ASIC2: variants seen among roughly 807,000 people sequenced by gnomAD.
ASIC2 encodes acid sensing ion channel subunit 2.
In ASIC2, 25 loss-of-function variants were observed where a neutral mutation model predicts 57.3. The ratio of observed to expected loss-of-function variants is 0.44; its 90% CI spans 0.32 to 0.61. The LOEUF (loss-of-function observed/expected upper bound fraction) is 0.61. Among genes scored for constraint, ASIC2 ranks in the 20% least tolerant of loss-of-function variants. ASIC2 has a pLI of 0.06. For synonymous variants in ASIC2, 319 were observed against 307.5 expected (o/e 1.04, Z -0.39); for missense variants, 641 against 738.1 (o/e 0.87, Z 1.52).
intron 1 of ASIC2, among the ~76,000 whole-genome samples, chr17:34,121,652 C>T (rs1246806816): frequency 2.8e-5 from 4 of 144,304 alleles, no homozygotes; most frequent in African/African-American, 8.8e-5. Context: ...ACAGCTCCTC[C>T]GAGTCTTCAG....
intron 1 of ASIC2, among the ~76,000 whole-genome samples, chr17:33,452,340 G>A (rs1184557494): frequency 2.6e-5 from 4 of 152,184 alleles, no homozygotes; most frequent in Admixed American, 1.3e-4. Flanking sequence ...TATCTCAAAG[G>A]GCTTTTGGGA....
chr17:33,187,293 G>A (rs1289014321), intron 1 of ASIC2, among the ~76,000 whole-genome samples: 2 of 152,232 alleles, frequency 1.3e-5, no homozygotes, highest in Admixed American at 6.5e-5. Flanking sequence ...TGCCTCATCC[G>A]CCATATTCAC....
chr17:33,491,112 C>G (rs1913741832), intron 1 of ASIC2, among the ~76,000 whole-genome samples: 1 of 152,182 alleles, frequency 6.6e-6, no homozygotes, highest in Admixed American at 6.5e-5. Flanking sequence ...CCTCTGCCAA[C>G]CCCACTCCAC....
chr17:33,037,653 A>G (rs1025934387), intron 3 of ASIC2, among the ~76,000 whole-genome samples: 1 of 152,152 alleles, frequency 6.6e-6, no homozygotes, highest in African/African-American at 2.4e-5. Context: ...TGTCTCAGGG[A>G]AGAATTAGAT....
chr17:33,451,215 C>T (rs1007744846), intron 1 of ASIC2, among the ~76,000 whole-genome samples: 1 of 152,002 alleles, frequency 6.6e-6, no homozygotes, highest in Non-Finnish European at 1.5e-5. Context: ...CACCACTACA[C>T]CTGGCTAATT....
At chr17:33,753,080 T>C (rs957832181) in intron 1 of ASIC2, among the ~76,000 whole-genome samples, 1 of 152,212 alleles carries the variant, frequency 6.6e-6, no homozygotes, top group Non-Finnish European at 1.5e-5. Context: ...AATAGGTGGA[T>C]GAATACACTG....
intron 1 of ASIC2, among the ~76,000 whole-genome samples, chr17:33,937,503 A>G (rs148606787): frequency 6.6e-6 from 1 of 152,186 alleles, no homozygotes; most frequent in South Asian, 2.1e-4. Context: ...AAAGAAGAAA[A>G]ATAAATCACT....
At chr17:34,085,659 A>G (rs1456706599) in intron 1 of ASIC2, among the ~76,000 whole-genome samples, 2 of 152,058 alleles carry the variant, frequency 1.3e-5, no homozygotes, top group Non-Finnish European at 2.9e-5. Flanking sequence ...CTGTGAATCC[A>G]TCTGGTCCTG....
At chr17:34,045,448 T>A (rs976421162) in intron 1 of ASIC2, among the ~76,000 whole-genome samples, 2 of 152,196 alleles carry the variant, frequency 1.3e-5, no homozygotes, top group Non-Finnish European at 2.9e-5. Context: ...GCTGAGACTA[T>A]ACCAGGAATT....
intron 1 of ASIC2, among the ~76,000 whole-genome samples, chr17:33,831,340 A>T (rs1417668487): frequency 2.0e-5 from 3 of 151,966 alleles, no homozygotes; most frequent in Non-Finnish European, 4.4e-5. Context: ...AACACTGCCT[A>T]ATGATCCCTC....
intron 1 of ASIC2, among the ~76,000 whole-genome samples, chr17:33,217,091 A>G (rs1597634800): frequency 6.6e-6 from 1 of 152,208 alleles, no homozygotes; most frequent in Non-Finnish European, 1.5e-5. Context: ...CTTGAATGTT[A>G]CAGTAAATTA....
intron 1 of ASIC2, among the ~76,000 whole-genome samples, chr17:33,507,342 C>G (rs372087714): frequency 1.3e-5 from 2 of 152,172 alleles, no homozygotes; most frequent in African/African-American, 4.8e-5. Flanking sequence ...GCAAGCACAC[C>G]GATAAATCAT....
chr17:33,859,671 G>A (rs1914054592), intron 1 of ASIC2, among the ~76,000 whole-genome samples: 1 of 152,186 alleles, frequency 6.6e-6, no homozygotes, highest in African/African-American at 2.4e-5. Context: ...ATGGGCAGGG[G>A]ATGGGTTTAC....
chr17:33,260,437 TC>T (rs1175743624), intron 1 of ASIC2, among the ~76,000 whole-genome samples: 2 of 152,054 alleles, frequency 1.3e-5, no homozygotes, highest in African/African-American at 4.8e-5. Flanking sequence ...TTCCTAGGGC[TC>T]CCCCAAAGGT....
rs535862731 is a variant in ASIC2, at chr17:33,525,646, C to A, written c.556-413579G>T. Among the ~76,000 whole-genome samples, 4 of 152,348 alleles carry A rather than the reference C, an allele frequency of 2.6e-5. No individual in the cohort carries two copies. In the East Asian group the frequency reaches 7.7e-4, roughly 29 times the overall value. On this transcript the variant is annotated intron_variant, in intron 1 of 9. Transcript: ENST00000359872. ...GATCCAGCATCAAATGCAAATACCTCTGCATTACCTAGACGGACTGACCAG... is the reference window on the plus strand; with the variant it reads ...GATCCAGCATCAAATGCAAATACCTATGCATTACCTAGACGGACTGACCAG...
intron 1 of ASIC2, among the ~76,000 whole-genome samples, chr17:33,287,766 C>A (rs1013654384): frequency 2.0e-5 from 3 of 152,164 alleles, no homozygotes; most frequent in African/African-American, 7.2e-5. Flanking sequence ...CACTTCCCCC[C>A]AAAGGCCTCC....
At chr17:33,850,711 A>C (rs1356612397) in intron 1 of ASIC2, among the ~76,000 whole-genome samples, 1 of 152,178 alleles carries the variant, frequency 6.6e-6, no homozygotes, top group Non-Finnish European at 1.5e-5. Context: ...TGATGACAGA[A>C]TGGAATCTAT....
intron 1 of ASIC2, among the ~76,000 whole-genome samples, chr17:33,944,965 T>G (rs955419924): frequency 1.5e-4 from 23 of 152,148 alleles, no homozygotes; most frequent in African/African-American, 5.6e-4. Flanking sequence ...AAAAGAGCCT[T>G]GTCCTGCCAA....
At chr17:33,235,449 C>G (rs1364923008) in intron 1 of ASIC2, among the ~76,000 whole-genome samples, 2 of 152,182 alleles carry the variant, frequency 1.3e-5, no homozygotes, top group Non-Finnish European at 2.9e-5. Context: ...CTGAGAGTCC[C>G]TGCTCTAATT....
Sources: allele counts gnomAD v4.1 joint callset (sites outside exome capture counted in the v4.1 genomes callset), GRCh38; gene constraint gnomAD v4.1.1; transcripts MANE v1.5; gene names NCBI Gene and HGNC (gene_info 2026-07-23, HGNC 2026-07-21).